Variants in ALDH6A1 observed in about 807,000 individuals in gnomAD.
ALDH6A1 encodes aldehyde dehydrogenase 6 family member A1, also known as methylmalonate-semialdehyde/malonate-semialdehyde dehydrogenase [acylating], mitochondrial.
In ALDH6A1, 43 loss-of-function variants were observed where a neutral mutation model predicts 62.6. The observed-to-expected ratio is 0.69, with a 90% CI of 0.54 to 0.89. ALDH6A1 has a LOEUF of 0.89. ALDH6A1 is among the 40% of genes least tolerant of loss of function. The pLI, the probability that ALDH6A1 is intolerant of heterozygous loss-of-function variation, is 0.00. For missense variants in ALDH6A1, 551 were observed against 661.3 expected (o/e 0.83, Z 1.83); for synonymous variants, 194 against 234.2 (o/e 0.83, Z 1.57).
chr14:74,057,821 G>A lies in ALDH6A1; in HGVS notation c.*2821C>T, dbSNP rs2060251839. 5 of 1,032,790 alleles carry A rather than the reference G, an allele frequency of 4.8e-6. No homozygotes were observed. The highest frequency in any genetic ancestry group is 4.7e-6 in the Non-Finnish European group (4 of 858,044). 64.0% of individuals were successfully genotyped at this position (1,032,790 alleles called of 1,614,324 possible). On this transcript the variant is annotated 3_prime_UTR_variant, in exon 12 of 12. Coordinates refer to ENST00000553458, the MANE Select transcript of ALDH6A1 (RefSeq NM_005589.4). The stretch of plus-strand genomic sequence containing the variant: ...TAACTGATGAGTTTTTTTCATCTAA[G>A]AAATAAGAAACTCTGAGCAGCAAAT...
chr14:74,060,323 G>T lies in ALDH6A1; in HGVS notation c.*319C>A, dbSNP rs920937074. On this transcript the variant is annotated 3_prime_UTR_variant, in exon 12 of 12. Transcript: ENST00000553458. ...CTGGAACATTTTCTTTACATACACT[G>T]GCTTTTCTCCCCTTCAAATCATCAG... 1.2e-5 allele frequency: 4 copies of T among 327,296 alleles called. No individual in the cohort carries two copies. Among genetic ancestry groups the T allele is most frequent in the Non-Finnish European group, 2.4e-5 (4 of 170,004 alleles). The allele number at this position is 327,296 out of a possible 1,614,324, so 20.3% of individuals were successfully genotyped here. A position where few individuals can be genotyped will look rare whatever the true frequency, so the allele number is the denominator to read the frequency against.
intron 1 of ALDH6A1, among the ~76,000 whole-genome samples, chr14:74,082,032 C>G (rs2060673286): frequency 6.6e-6 from 1 of 152,094 alleles, no homozygotes; most frequent in Non-Finnish European, 1.5e-5. Flanking sequence ...CATGGTGAAA[C>G]CCTGTCTCTA....
In ALDH6A1 at chr14:74,064,620, T is replaced by G. The variant is rs2060428228; in HGVS notation, c.1503+202A>C. The G allele has an allele frequency of 4.0e-6, 6 of 1,489,652 alleles. No homozygotes were observed. In the East Asian group the frequency reaches 1.4e-4, roughly 34 times the overall value. 92.3% of individuals were successfully genotyped at this position (1,489,652 alleles called of 1,614,324 possible). On this transcript the variant is annotated intron_variant, in intron 11 of 11. Transcript: ENST00000553458. Reference sequence around the variant, plus strand: ...TCCCCATGCTCTTTCCTCAAAACTTTGTTGCTTTGAATTATTCAGGAAGAA... The same window carrying G: ...TCCCCATGCTCTTTCCTCAAAACTTGGTTGCTTTGAATTATTCAGGAAGAA...
intron 1 of ALDH6A1, among the ~76,000 whole-genome samples, chr14:74,080,196 C>A (rs1392151903): frequency 6.6e-6 from 1 of 152,106 alleles, no homozygotes; most frequent in Non-Finnish European, 1.5e-5. Context: ...TCCTCCCTCT[C>A]TCTCTGCAGG....
intron 1 of ALDH6A1, chr14:74,078,095 T>C (rs1470654633): frequency 2.3e-6 from 1 of 425,944 alleles, no homozygotes; most frequent in Non-Finnish European, 4.7e-6. Context: ...CACTTATTGT[T>C]TATTTTCACT....
chr14:74,069,461 A>G (rs1219690340), intron 6 of ALDH6A1, among the ~76,000 whole-genome samples: 1 of 151,520 alleles, frequency 6.6e-6, no homozygotes, highest in Non-Finnish European at 1.5e-5. Flanking sequence ...TTTAAATTCT[A>G]TTTAGCCGGC....
intron 11 of ALDH6A1, among the ~76,000 whole-genome samples, chr14:74,061,853 T>C (rs1488947061): frequency 1.3e-5 from 2 of 152,050 alleles, no homozygotes; most frequent in Non-Finnish European, 2.9e-5. Flanking sequence ...CTAACACTTA[T>C]ATAATTACTA....
In ALDH6A1 at chr14:74,059,084, CAAA is replaced by C. The variant is rs35760969; in HGVS notation, c.*1555_*1557del. The C allele has an allele frequency of 9.7e-3, 484 of 49,666 alleles. No individual in the cohort carries two copies. Among genetic ancestry groups the C allele is most frequent in the South Asian group, 0.034 (85 of 2,484 alleles). The allele number at this position is 49,666 out of a possible 1,614,324, so 3.1% of individuals were successfully genotyped here. ...GGGCAACAAGAGTGAAACTCCATCT[CAAA>C]AAAAAAAAAAAAAAAAAAAGCGTAA... On this transcript the variant is annotated 3_prime_UTR_variant, in exon 12 of 12. Coordinates refer to ENST00000553458, the MANE Select transcript of ALDH6A1 (RefSeq NM_005589.4).
At chr14:74,076,263 T>C (rs1043566210) in intron 1 of ALDH6A1, among the ~76,000 whole-genome samples, 2 of 152,230 alleles carry the variant, frequency 1.3e-5, no homozygotes, top group Non-Finnish European at 2.9e-5. Flanking sequence ...ATGTGTTGGA[T>C]AGATAATATT....
rs528185481 is a variant in ALDH6A1 at position 74,067,571 on chromosome 14, T to TAA, written c.853-4_853-3dup. On this transcript the variant is annotated splice_region_variant and splice_polypyrimidine_tract_variant and intron_variant, in intron 7 of 11. Transcript: ENST00000553458. The stretch of plus-strand genomic sequence containing the variant: ...GACTACCCCATGGTTCTTGGCTCCC[T>TAA]AAAAAAAAATGCAGAAAGCACATGA... The TAA allele has an allele frequency of 7.0e-6, 11 of 1,562,722 alleles. No individual in the cohort carries two copies. The highest frequency in any genetic ancestry group is 1.4e-5 in the African/African-American group (1 of 73,508).
At chr14:74,066,063 A>G (rs2060458704) in intron 9 of ALDH6A1, 1 of 154,852 alleles carries the variant, frequency 6.5e-6, no homozygotes, top group Non-Finnish European at 1.4e-5. Flanking sequence ...AGACTTTCAA[A>G]GTTTTGATAA....
In ALDH6A1 at chr14:74,071,455, C is replaced by G. The variant is rs2060547978; in HGVS notation, c.470G>C (p.Gly157Ala). ...HACSVTSLMM[G>A]ETMPSITKDM... ...TTTGGTGATGGATGGCATGGTCTCT[C>G]CCATCATGAGGGATGTCACACTACA... Residue 157 changes from glycine to alanine, a missense_variant, in exon 6 of 12, where the codon GGA becomes GCA. Coordinates refer to ENST00000553458, the MANE Select transcript of ALDH6A1 (RefSeq NM_005589.4). The G allele has an allele frequency of 1.4e-5, 23 of 1,614,116 alleles. No individual in the cohort carries two copies. The highest frequency in any genetic ancestry group is 1.9e-5 in the Non-Finnish European group (22 of 1,180,028).
rs1566839917 is a variant in ALDH6A1, at chr14:74,084,378, G to A, written c.17C>T (p.Ala6Val). 5 of 1,613,488 alleles carry A rather than the reference G, an allele frequency of 3.1e-6. No homozygotes were observed. Among genetic ancestry groups the A allele is most frequent in the Admixed American group, 1.7e-5 (1 of 60,004 alleles). Reference protein sequence around the residue: MAALLAAAAVRARILQ... With the variant: MAALLVAAAVRARILQ... ...GATCCGGGCTCGCACTGCCGCCGCC[G>A]CCAATAGCGCCGCCATGGCTCTCGG... Residue 6 changes from alanine to valine, a missense_variant, in exon 1 of 12, where the codon GCG becomes GTG. Transcript: ENST00000553458.
chr14:74,060,856 G>A, intron 11 of ALDH6A1, 110 bp from the exon 12 acceptor site: 1 of 772,922 alleles, frequency 1.3e-6, no homozygotes, highest in Non-Finnish European at 2.3e-6. Flanking sequence ...TCCTAATTGA[G>A]AAATGCAATC....
chr14:74,057,057 G>C lies in ALDH6A1; in HGVS notation c.*3585C>G. On this transcript the variant is annotated 3_prime_UTR_variant, in exon 12 of 12. Coordinates refer to ENST00000553458, the MANE Select transcript of ALDH6A1 (RefSeq NM_005589.4). The stretch of plus-strand genomic sequence containing the variant: ...TGTGGGCATCTTGAATGTGCTAATT[G>C]AAAGTAATATGACAAGTCTGTTATT... 6.3e-7 allele frequency: 1 copy of C among 1,592,680 alleles called. No individual in the cohort carries two copies. The highest frequency in any genetic ancestry group is 1.1e-5 in the South Asian group (1 of 90,080).
intron 6 of ALDH6A1, chr14:74,069,232 C>A (rs537318363): frequency 2.3e-5 from 9 of 391,930 alleles, no homozygotes; most frequent in Non-Finnish European, 4.3e-5. Flanking sequence ...GCCTCCCAAG[C>A]AGCTGGGATT....
chr14:74,082,715 A>G (rs1334796040), intron 1 of ALDH6A1: 4 of 152,130 alleles, frequency 2.6e-5, no homozygotes, highest in African/African-American at 9.6e-5. Flanking sequence ...GCTACTTTTT[A>G]TCGAACTTTT....
At chr14:74,063,504 T>C (rs1458793243) in intron 11 of ALDH6A1, among the ~76,000 whole-genome samples, 3 of 152,048 alleles carry the variant, frequency 2.0e-5, no homozygotes, top group South Asian at 2.1e-4. Flanking sequence ...AATTCAGTCC[T>C]TACAATGTTA....
At chr14:74,062,745 C>G (rs1246474911) in intron 11 of ALDH6A1, among the ~76,000 whole-genome samples, 4 of 151,970 alleles carry the variant, frequency 2.6e-5, no homozygotes, top group Non-Finnish European at 5.9e-5. Flanking sequence ...TTTAATAACC[C>G]AAACATAAAT....
Sources: gnomAD v4.1 joint callset for allele counts (sites outside exome capture counted in the v4.1 genomes callset) on GRCh38, gnomAD v4.1.1 for gene constraint, MANE v1.5 for transcripts, NCBI Gene and HGNC (gene_info 2026-07-23, HGNC 2026-07-21) for gene names.